The following FGGY variants were observed in gnomAD, a reference collection of about 807,000 sequenced individuals.
FGGY encodes FGGY carbohydrate kinase domain-containing protein.
Under a neutral mutation model 71.3 loss-of-function variants are expected in FGGY, and 72 were observed. The ratio of observed to expected loss-of-function variants is 1.01; its 90% CI spans 0.84 to 1.23. The LOEUF is 1.23. Among genes scored for constraint, FGGY ranks in the 50% most tolerant of loss-of-function variants. The pLI is 0.00. For synonymous variants in FGGY, 251 were observed against 250.3 expected (o/e 1.00, Z -0.02); for missense variants, 668 against 682.3 (o/e 0.98, Z 0.23).
chr1:59,364,687 G>C (rs373530472), intron 4 of FGGY, among the ~76,000 whole-genome samples: 1 of 152,176 alleles, frequency 6.6e-6, no homozygotes, highest in African/African-American at 2.4e-5. Flanking sequence ...GCAGTGATAG[G>C]GATATTCATA....
intron 14 of FGGY, among the ~76,000 whole-genome samples, chr1:59,735,863 C>T (rs1222933200): frequency 1.3e-5 from 2 of 151,856 alleles, no homozygotes; most frequent in East Asian, 1.9e-4. Flanking sequence ...ATTTTTTTCC[C>T]CCAAATATGC....
At chr1:59,574,980 C>T (rs565081247) in intron 8 of FGGY, among the ~76,000 whole-genome samples, 23 of 152,002 alleles carry the variant, frequency 1.5e-4, no homozygotes, top group Admixed American at 1.0e-3. Context: ...TTATTTTTAT[C>T]GTTTATTTCT....
intron 11 of FGGY, among the ~76,000 whole-genome samples, chr1:59,653,920 C>T (rs1005207515): frequency 2.6e-5 from 4 of 152,204 alleles, no homozygotes; most frequent in African/African-American, 9.6e-5. Flanking sequence ...TTCTCTTCTG[C>T]TTTTAAGAGC....
chr1:59,576,162 A>G (rs1213435652), intron 8 of FGGY, among the ~76,000 whole-genome samples: 4 of 152,300 alleles, frequency 2.6e-5, no homozygotes, highest in Admixed American at 6.5e-5. Flanking sequence ...ATGCCCCTCA[A>G]TGATAGACTG....
At chr1:59,487,306 C>T (rs993644139) in intron 6 of FGGY, among the ~76,000 whole-genome samples, 9 of 152,134 alleles carry the variant, frequency 5.9e-5, no homozygotes, top group African/African-American at 1.9e-4. Context: ...GTACAGTTGA[C>T]TGTGTGTGTC....
intron 7 of FGGY, among the ~76,000 whole-genome samples, chr1:59,517,822 C>G (rs2094707309): frequency 6.6e-6 from 1 of 152,204 alleles, no homozygotes; most frequent in South Asian, 2.1e-4. Flanking sequence ...GAATGGCATT[C>G]CCTCCATGAG....
chr1:59,675,765 T>G (rs908457044), intron 14 of FGGY, among the ~76,000 whole-genome samples: 1 of 152,198 alleles, frequency 6.6e-6, no homozygotes, highest in African/African-American at 2.4e-5. Context: ...ACAGGGGGGA[T>G]GCTTACTAAG....
intron 14 of FGGY, among the ~76,000 whole-genome samples, chr1:59,747,684 TTTTG>T (rs2098211860): frequency 1.3e-5 from 2 of 152,138 alleles, no homozygotes; most frequent in South Asian, 2.1e-4. Flanking sequence ...CTGGCAGTAA[TTTTG>T]TTTGTTTCAA....
chr1:59,440,108 A>C (rs1379482925), intron 5 of FGGY, among the ~76,000 whole-genome samples: 1 of 151,868 alleles, frequency 6.6e-6, no homozygotes, highest in Non-Finnish European at 1.5e-5. Context: ...AAAAAAAAAA[A>C]AAAACGGAAA....
At chr1:59,591,758 T>C (rs1173669848) in intron 8 of FGGY, among the ~76,000 whole-genome samples, 4 of 152,138 alleles carry the variant, frequency 2.6e-5, no homozygotes, top group Non-Finnish European at 5.9e-5. Flanking sequence ...GAAACTGGAT[T>C]CCTTCCTTAC....
intron 6 of FGGY, among the ~76,000 whole-genome samples, chr1:59,487,051 G>A (rs2093678276): frequency 6.6e-6 from 1 of 152,176 alleles, no homozygotes; most frequent in South Asian, 2.1e-4. Flanking sequence ...TGATGGGAGT[G>A]ACACACCCCT....
chr1:59,405,044 A>G (rs116383209), intron 5 of FGGY, among the ~76,000 whole-genome samples: 203 of 152,342 alleles, frequency 1.3e-3, no homozygotes, highest in African/African-American at 4.8e-3. Context: ...ATTCCATTTT[A>G]AAGATGCTTG....
At chr1:59,655,498 A>C (rs562691216) in intron 11 of FGGY, among the ~76,000 whole-genome samples, 1 of 150,624 alleles carries the variant, frequency 6.6e-6, no homozygotes, top group East Asian at 2.0e-4. Context: ...TCATTGTTCA[A>C]CTCCCACTTA....
chr1:59,451,370 GT>G (rs1041925236), intron 5 of FGGY, among the ~76,000 whole-genome samples: 6 of 117,226 alleles, frequency 5.1e-5, no homozygotes, highest in African/African-American at 2.2e-4. Context: ...AGTTTTTTTT[GT>G]TGTTGTTTGT....
intron 11 of FGGY, among the ~76,000 whole-genome samples, chr1:59,644,450 G>T (rs1345168913): frequency 6.6e-6 from 1 of 152,100 alleles, no homozygotes; most frequent in African/African-American, 2.4e-5. Flanking sequence ...GCTGGACTAG[G>T]TACCCCACTA....
chr1:59,336,603 C>G (rs1436592235), intron 2 of FGGY, among the ~76,000 whole-genome samples: 1 of 151,818 alleles, frequency 6.6e-6, no homozygotes, highest in African/African-American at 2.4e-5. Flanking sequence ...GTTTTAAGCC[C>G]CACATGCATT....
At chr1:59,525,265 G>C (rs1274189340) in intron 7 of FGGY, among the ~76,000 whole-genome samples, 1 of 152,196 alleles carries the variant, frequency 6.6e-6, no homozygotes, top group African/African-American at 2.4e-5. Flanking sequence ...CTCCACGCCT[G>C]GGTCACCCTT....
rs1427429423 is a variant in FGGY at position 59,682,434 on chromosome 1, G to T, written c.1512+8301G>T. On this transcript the variant is annotated intron_variant, in intron 14 of 15. Transcript: ENST00000303721. ...TTGAGTAATTTGAGAGGGTTTAAAAGAGGGACTGTTTACAAAATTGCAGTC... is the reference window on the plus strand; with the variant it reads ...TTGAGTAATTTGAGAGGGTTTAAAATAGGGACTGTTTACAAAATTGCAGTC... Among the ~76,000 whole-genome samples, 3 of 152,218 alleles carry T rather than the reference G, an allele frequency of 2.0e-5. No homozygotes were observed. The East Asian group carries it at 5.8e-4, about 29-fold the overall frequency.
intron 12 of FGGY, among the ~76,000 whole-genome samples, chr1:59,662,387 T>A (rs540448728): frequency 6.6e-6 from 1 of 151,788 alleles, no homozygotes; most frequent in South Asian, 2.1e-4. Flanking sequence ...TACACACACC[T>A]GATTTAACCT....
Sources: allele counts gnomAD v4.1 joint callset (sites outside exome capture counted in the v4.1 genomes callset), GRCh38; gene constraint gnomAD v4.1.1; transcripts MANE v1.5; gene names NCBI Gene and HGNC (gene_info 2026-07-23, HGNC 2026-07-21).